SYNC: variants seen among roughly 807,000 people sequenced by gnomAD.
The protein encoded by SYNC is syncoilin.
SYNC carries 38 observed loss-of-function variants against 49.5 expected under a neutral mutation model. The observed-to-expected ratio is 0.77, with a 90% CI of 0.59 to 1.01. The LOEUF (loss-of-function observed/expected upper bound fraction) is 1.01, where lower values mean the gene tolerates loss of function less well. Among genes scored for constraint, SYNC ranks in the 50% least tolerant of loss-of-function variants. The pLI, the probability that SYNC is intolerant of heterozygous loss-of-function variation, is 0.00. For synonymous variants in SYNC, 201 were observed against 230.8 expected (o/e 0.87, Z 1.17); for missense variants, 579 against 580.6 (o/e 1.00, Z 0.03).
rs1649319045 is a variant in SYNC at position 32,679,976 on chromosome 1, G to A, written c.*1874C>T. 2.5e-6 allele frequency: 3 copies of A among 1,210,718 alleles called. No individual in the cohort carries two copies. Among genetic ancestry groups the A allele is most frequent in the African/African-American group, 1.6e-5 (1 of 63,166 alleles). The allele number at this position is 1,210,718 out of a possible 1,614,324, so 75.0% of individuals were successfully genotyped here. On this transcript the variant is annotated 3_prime_UTR_variant, in exon 5 of 5. Transcript: ENST00000409190. ...AGCTACAGAAAGGGGAATATTATGTGTGATTATTTTTCTTCTTATGCTATA... is the reference window on the plus strand; with the variant it reads ...AGCTACAGAAAGGGGAATATTATGTATGATTATTTTTCTTCTTATGCTATA...
chr1:32,691,931 C>T (rs908138744), intron 2 of SYNC, among the ~76,000 whole-genome samples: 2 of 151,994 alleles, frequency 1.3e-5, no homozygotes, highest in Non-Finnish European at 2.9e-5. Flanking sequence ...ATTTAACCAG[C>T]GCCTAAAAAT....
At chr1:32,687,361 CAAA>C (rs11383471) in intron 2 of SYNC, among the ~76,000 whole-genome samples, 43 of 123,576 alleles carry the variant, frequency 3.5e-4, no homozygotes, top group African/African-American at 9.1e-4. Context: ...GACTTCATCT[CAAA>C]AAAAAAAAAA....
At chr1:32,687,840 A>ATTATTATTATTATTATTATTT (rs2148550588) in intron 2 of SYNC, among the ~76,000 whole-genome samples, 1 of 26,756 alleles carries the variant, frequency 3.7e-5, no homozygotes, top group East Asian at 1.1e-3. Flanking sequence ...GTGAATTATT[A>ATTATTATTATTATTATTATTT]TTATTATTAT....
rs1012227024 is a variant in SYNC at position 32,680,680 on chromosome 1, A to T, written c.*1170T>A. Reference sequence around the variant, plus strand: ...CCCATGCTGATGGGTTTTATTTAGTATAAAACATCCATCAAACACCAGTCT... The same window carrying T: ...CCCATGCTGATGGGTTTTATTTAGTTTAAAACATCCATCAAACACCAGTCT... On this transcript the variant is annotated 3_prime_UTR_variant, in exon 5 of 5. Transcript: ENST00000409190. 2 of 783,918 alleles carry T rather than the reference A, an allele frequency of 2.6e-6. No homozygotes were observed. The highest frequency in any genetic ancestry group is 2.0e-6 in the Non-Finnish European group (1 of 500,732). 48.6% of individuals were successfully genotyped at this position (783,918 alleles called of 1,614,324 possible).
chr1:32,695,342 T>A lies in SYNC; in HGVS notation c.756A>T (p.Glu252Asp). 6.4e-7 allele frequency: 1 copy of A among 1,551,664 alleles called. No homozygotes were observed. The highest frequency in any genetic ancestry group is 8.7e-7 in the Non-Finnish European group (1 of 1,147,042). The change falls in exon 2 of 5, where the codon GAA becomes GAT. Residue 252 changes from glutamate (E) to aspartate (D), a missense_variant. By Grantham distance (45) the Glu-to-Asp change is conservative. Coordinates refer to ENST00000409190, the MANE Select transcript of SYNC (RefSeq NM_030786.3). ...VKQKLFKVTK[E>D]CVAYQYQLEC... ...CCAGCTGGTATTGGTAGGCCACACATTCCTTTGTCACTTTGAAAAGCTTCT... is the reference window on the plus strand; with the variant it reads ...CCAGCTGGTATTGGTAGGCCACACAATCCTTTGTCACTTTGAAAAGCTTCT...
At chr1:32,691,425 C>T (rs765912263) in intron 2 of SYNC, among the ~76,000 whole-genome samples, 23 of 151,204 alleles carry the variant, frequency 1.5e-4, no homozygotes, top group African/African-American at 3.4e-4. Flanking sequence ...TGGTGTTAGG[C>T]GCCTGTAATC....
rs1485288420 is a variant in SYNC at position 32,695,000 on chromosome 1, A to G, written c.1098T>C (p.Ala366=). Residue 366 remains alanine (A), a synonymous_variant, in exon 2 of 5, where the codon GCT becomes GCC. Transcript: ENST00000409190. ...AGTKALQRTQ[A]EIQEMKEALR... is the part of the protein sequence containing the mutation. ...GAGCCTCCTTCATTTCCTGGATCTC[A>G]GCCTGGGTTCTCTGCAGAGCTTTGG... is the stretch of plus-strand genomic sequence containing the variant. 1.9e-6 allele frequency: 3 copies of G among 1,613,870 alleles called. No individual in the cohort carries two copies. In the African/African-American group the frequency reaches 4.0e-5, roughly 22 times the overall value.
Position 32,702,537 on chromosome 1 carries a change from G to A in SYNC, c.53+71C>T. The A allele has an allele frequency of 8.3e-7, 1 of 1,199,896 alleles. No individual in the cohort carries two copies. Among genetic ancestry groups the A allele is most frequent in the South Asian group, 4.2e-5 (1 of 23,716 alleles). The allele number at this position is 1,199,896 out of a possible 1,614,324, so 74.3% of individuals were successfully genotyped here. A position where few individuals can be genotyped will look rare whatever the true frequency, so the allele number is the denominator to read the frequency against. On this transcript the variant is annotated intron_variant, in intron 1 of 4. Transcript: ENST00000409190. The surrounding 1 kb of genome is among the most constrained non-coding windows in gnomAD (Gnocchi z 6.2). ...ACAGGCGAAAGACGCCCGCGGTCGG[G>A]GGGAAAGGGAACCCGTCCAGCAGCA...
At chr1:32,691,061 A>G (rs115353497) in intron 2 of SYNC, among the ~76,000 whole-genome samples, 274 of 152,274 alleles carry the variant, frequency 1.8e-3, no homozygotes, top group Non-Finnish European at 3.0e-3. Flanking sequence ...TAATAAAAAT[A>G]GAAAAAATTA....
At chr1:32,690,242 A>G (rs1412750621) in intron 2 of SYNC, among the ~76,000 whole-genome samples, 1 of 152,204 alleles carries the variant, frequency 6.6e-6, no homozygotes, top group Non-Finnish European at 1.5e-5. Flanking sequence ...TTGTGTCATA[A>G]GATTATCTTT....
chr1:32,679,942 G>T lies in SYNC; in HGVS notation c.*1908C>A, dbSNP rs1649317072. 1.6e-6 allele frequency: 2 copies of T among 1,284,970 alleles called. No homozygotes were observed. Among genetic ancestry groups the T allele is most frequent in the South Asian group, 2.2e-5 (1 of 44,792 alleles). The allele number at this position is 1,284,970 out of a possible 1,614,324, so 79.6% of individuals were successfully genotyped here. ...CTTCAGGAATTTTCTAGTAACCCAG[G>T]TCTAAAGTAGCTACAGAAAGGGGAA... On this transcript the variant is annotated 3_prime_UTR_variant, in exon 5 of 5. Coordinates refer to ENST00000409190, the MANE Select transcript of SYNC (RefSeq NM_030786.3).
chr1:32,680,216 T>G lies in SYNC; in HGVS notation c.*1634A>C. The G allele has an allele frequency of 8.8e-7, 1 of 1,133,910 alleles. No individual in the cohort carries two copies. The highest frequency in any genetic ancestry group is 1.6e-5 in the African/African-American group (1 of 61,462). 70.2% of individuals were successfully genotyped at this position (1,133,910 alleles called of 1,614,324 possible). Reference sequence around the variant, plus strand: ...TTTTCATACGTAGACCAGTTTCCTCTTGGTTTCTTCAGTTAAGTCAAAACA... The same window carrying G: ...TTTTCATACGTAGACCAGTTTCCTCGTGGTTTCTTCAGTTAAGTCAAAACA... On this transcript the variant is annotated 3_prime_UTR_variant, in exon 5 of 5. Coordinates refer to ENST00000409190, the MANE Select transcript of SYNC (RefSeq NM_030786.3).
intron 2 of SYNC, among the ~76,000 whole-genome samples, chr1:32,688,082 G>A (rs1437784675): frequency 6.6e-6 from 1 of 151,868 alleles, no homozygotes; most frequent in Non-Finnish European, 1.5e-5. Context: ...TGATCCACCT[G>A]CCTCGGCCTC....
At chr1:32,687,881 GCT>G (rs1649961552) in intron 2 of SYNC, among the ~76,000 whole-genome samples, 1 of 13,910 alleles carries the variant, frequency 7.2e-5, no homozygotes, top group South Asian at 2.6e-3. Flanking sequence ...ATGGAGTCTT[GCT>G]CTGTCGCTCA....
intron 2 of SYNC, 23 bp downstream of exon 2, chr1:32,694,842 C>A (rs1255874435): frequency 6.5e-7 from 1 of 1,538,720 alleles, no homozygotes; most frequent in Non-Finnish European, 8.7e-7. Context: ...GACCTCAGTT[C>A]TTTTCATGCC....
At chr1:32,683,172 C>A in intron 4 of SYNC, 1 of 149,824 alleles carries the variant, frequency 6.7e-6, no homozygotes, top group Admixed American at 6.8e-5. Flanking sequence ...ATCCCAGCTA[C>A]TTGGGAGGCT....
At chr1:32,688,234 A>G (rs1180553076) in intron 2 of SYNC, among the ~76,000 whole-genome samples, 1 of 152,134 alleles carries the variant, frequency 6.6e-6, no homozygotes, top group Non-Finnish European at 1.5e-5. Flanking sequence ...ATCACTCTCA[A>G]GCTGCCTAAC....
At chr1:32,688,311 A>G (rs1014099839) in intron 2 of SYNC, among the ~76,000 whole-genome samples, 1 of 152,084 alleles carries the variant, frequency 6.6e-6, no homozygotes, top group Non-Finnish European at 1.5e-5. Context: ...TACCTAACTC[A>G]TAGAGATGTA....
At chr1:32,690,648 G>GAA (rs900204039) in intron 2 of SYNC, among the ~76,000 whole-genome samples, 2 of 96,316 alleles carry the variant, frequency 2.1e-5, no homozygotes, top group Non-Finnish European at 2.2e-5. Context: ...CATCTCCAAA[G>GAA]AAAAAAAAAA....
Sources: allele counts gnomAD v4.1 joint callset (sites outside exome capture counted in the v4.1 genomes callset), GRCh38; gene constraint gnomAD v4.1.1; non-coding constraint Gnocchi (gnomAD v3.1); transcripts MANE v1.5; gene names NCBI Gene and HGNC (gene_info 2026-07-23, HGNC 2026-07-21).